Variants in ANKS1A observed in about 807,000 individuals in gnomAD.
ANKS1A encodes ankyrin repeat and SAM domain-containing protein 1A.
In ANKS1A, 55 loss-of-function variants were observed where a neutral mutation model predicts 120.3. That is an observed-to-expected ratio of 0.46 (90% confidence interval 0.37 to 0.57). The LOEUF (loss-of-function observed/expected upper bound fraction) is 0.57. Among genes scored for constraint, ANKS1A ranks in the 20% least tolerant of loss-of-function variants. The pLI is 0.00. For synonymous variants in ANKS1A, 590 were observed against 604.7 expected, an observed-to-expected ratio of 0.98 and a Z score of 0.36; for missense variants, 1,123 against 1,480.3, an observed-to-expected ratio of 0.76 and a Z score of 3.96.
Position 35,017,895 on chromosome 6 carries a change from G to A in ANKS1A, c.1846G>A (p.Glu616Lys). Residue 616 changes from glutamate to lysine, a missense_variant, in exon 11 of 24, where the codon GAA (glutamate) becomes AAA (lysine). Coordinates refer to ENST00000360359, the MANE Select transcript of ANKS1A (RefSeq NM_015245.3). ...GCCTCCCACTAGCAAACCCAAAGCTGAACTCAAACTCAGCCGCAGCTTGTC... is the reference window on the plus strand; with the variant it reads ...GCCTCCCACTAGCAAACCCAAAGCTAAACTCAAACTCAGCCGCAGCTTGTC... ...RAPPTSKPKA[E>K]LKLSRSLSKS... 1 of 1,614,230 alleles carries A rather than the reference G, an allele frequency of 6.2e-7. No homozygotes were observed.
chr6:34,983,989 T>G (rs548934337), intron 7 of ANKS1A, among the ~76,000 whole-genome samples: 24 of 152,090 alleles, frequency 1.6e-4, no homozygotes, highest in African/African-American at 5.5e-4. Flanking sequence ...AGAGACAGGG[T>G]TTCACCATGT....
chr6:35,060,261 G>T lies in ANKS1A; in HGVS notation c.2184+8G>T. 1 of 1,606,612 alleles carries T rather than the reference G, an allele frequency of 6.2e-7. No individual in the cohort carries two copies. The highest frequency in any genetic ancestry group is 8.5e-7 in the Non-Finnish European group (1 of 1,177,370). On this transcript the variant is annotated splice_region_variant and intron_variant, in intron 13 of 23. Coordinates refer to ENST00000360359, the MANE Select transcript of ANKS1A (RefSeq NM_015245.3). This position sits in a 1 kb window ranked among gnomAD's most constrained non-coding sequence, Gnocchi z 4.5. ...GACGATGTCCACTTCCTGGTAAGTGGCTGCAGGCCTCCTCAATGGCAGGGT... is the reference window on the plus strand; with the variant it reads ...GACGATGTCCACTTCCTGGTAAGTGTCTGCAGGCCTCCTCAATGGCAGGGT...
intron 9 of ANKS1A, among the ~76,000 whole-genome samples, chr6:34,991,539 TATACACACACACACACACACAC>T (rs542683607): frequency 0.013 from 1,077 of 85,112 alleles, 30 homozygotes; most frequent in African/African-American, 0.045. Context: ...AAAAAAAATA[TATACACACACACACACACACAC>T]ACACACACAC....
At chr6:35,080,874 T>C (rs1777632878) in intron 16 of ANKS1A, 120 bp from the exon 17 acceptor site, 3 of 1,280,992 alleles carry the variant, frequency 2.3e-6, no homozygotes, top group Non-Finnish European at 3.2e-6. Flanking sequence ...GCCCCTTCGC[T>C]CCCTGCTGCT....
At chr6:35,059,880 C>T (rs1404777600) in intron 12 of ANKS1A, among the ~76,000 whole-genome samples, 2 of 152,170 alleles carry the variant, frequency 1.3e-5, no homozygotes, top group Non-Finnish European at 2.9e-5. Context: ...GCAGCCGTGG[C>T]CCTGGAGCAG....
chr6:34,932,505 C>T (rs561531701), intron 1 of ANKS1A, among the ~76,000 whole-genome samples: 12 of 152,256 alleles, frequency 7.9e-5, no homozygotes, highest in African/African-American at 2.9e-4. Context: ...CTGCCTCAGC[C>T]TCCTGAGTAG....
chr6:35,040,467 C>A (rs1244877622), intron 11 of ANKS1A, among the ~76,000 whole-genome samples: 2 of 152,168 alleles, frequency 1.3e-5, no homozygotes. Context: ...ATTCCCACTT[C>A]TGGGGGCAAA....
chr6:34,912,066 T>C (rs1767932172), intron 1 of ANKS1A, among the ~76,000 whole-genome samples: 1 of 152,244 alleles, frequency 6.6e-6, no homozygotes, highest in South Asian at 2.1e-4. Flanking sequence ...TGCTACAATT[T>C]ATGAAAGCTG....
intron 13 of ANKS1A, 100 bp from the exon 14 acceptor site, chr6:35,078,458 G>C: frequency 9.6e-7 from 1 of 1,041,294 alleles, no homozygotes; most frequent in South Asian, 1.4e-5. Flanking sequence ...CTGCAGTGAA[G>C]GAGAATTTGG....
In ANKS1A at chr6:34,916,764, T is replaced by C. The variant is rs79661761; in HGVS notation, c.197+27165T>C. Among the ~76,000 whole-genome samples the C allele has an allele frequency of 2.7e-4, 41 of 152,342 alleles. No homozygotes were observed. In the East Asian group the frequency reaches 7.3e-3, roughly 27 times the overall value. On this transcript the variant is annotated intron_variant, in intron 1 of 23. Coordinates refer to ENST00000360359, the MANE Select transcript of ANKS1A (RefSeq NM_015245.3). ...CTGTGTAATTCAGCTGGGAATTGTA[T>C]TGCATAAAAATAAAGGCAAAAAATA...
chr6:35,019,872 A>G (rs1005378345), intron 11 of ANKS1A, among the ~76,000 whole-genome samples: 4 of 151,974 alleles, frequency 2.6e-5, no homozygotes, highest in African/African-American at 9.7e-5. Context: ...TGGAGACAGG[A>G]GGTGTGAGAG....
chr6:35,036,998 C>CT (rs1173979591), intron 11 of ANKS1A, among the ~76,000 whole-genome samples: 1 of 152,240 alleles, frequency 6.6e-6, no homozygotes, highest in Non-Finnish European at 1.5e-5. Flanking sequence ...AGTGTTCCCT[C>CT]TATTCGTGAA....
rs577595000 is a variant in ANKS1A at position 34,986,225 on chromosome 6, C to T, written c.1209+947C>T. Among the ~76,000 whole-genome samples the T allele has an allele frequency of 2.2e-4, 33 of 152,308 alleles. No homozygotes were observed. In the South Asian group the frequency reaches 5.2e-3, roughly 24 times the overall value. ...CTACTGAATGCTTATTGCTTTCCCA[C>T]GATGATAAGGTTGAAACATTGTACC... is the stretch of plus-strand genomic sequence containing the variant. On this transcript the variant is annotated intron_variant, in intron 8 of 23. Coordinates refer to ENST00000360359, the MANE Select transcript of ANKS1A (RefSeq NM_015245.3).
At chr6:35,027,061 A>T (rs1774663061) in intron 11 of ANKS1A, among the ~76,000 whole-genome samples, 1 of 152,214 alleles carries the variant, frequency 6.6e-6, no homozygotes, top group Non-Finnish European at 1.5e-5. Flanking sequence ...CCATAAGCTC[A>T]TTGCATACTC....
chr6:35,003,751 A>G (rs1005727653), intron 10 of ANKS1A, among the ~76,000 whole-genome samples: 31 of 152,226 alleles, frequency 2.0e-4, no homozygotes, highest in Non-Finnish European at 2.1e-4. Context: ...TCTATTGCAC[A>G]AGAAGACAGA....
At chr6:35,097,570 T>G in the ANKS1A span, among the ~76,000 whole-genome samples, 1 of 140,366 alleles carries the variant, frequency 7.1e-6, no homozygotes. Flanking sequence ...AGAGTAATAA[T>G]ATAAGGTTTC....
chr6:34,904,056 C>A (rs1767509231), intron 1 of ANKS1A, among the ~76,000 whole-genome samples: 1 of 152,136 alleles, frequency 6.6e-6, no homozygotes, highest in Non-Finnish European at 1.5e-5. Flanking sequence ...TGAATACAGT[C>A]GTCCCTCAGT....
intron 1 of ANKS1A, among the ~76,000 whole-genome samples, chr6:34,933,616 C>A (rs1024407636): frequency 3.3e-5 from 5 of 152,104 alleles, no homozygotes; most frequent in Non-Finnish European, 7.4e-5. Flanking sequence ...GTGATCCGCC[C>A]GCCTCAGCCT....
intron 11 of ANKS1A, among the ~76,000 whole-genome samples, chr6:35,020,325 A>G (rs1774268975): frequency 6.6e-6 from 1 of 152,250 alleles, no homozygotes; most frequent in Admixed American, 6.5e-5. Flanking sequence ...CAGGTATTAT[A>G]AGTAAACTAG....
Sources: gnomAD v4.1 joint callset for allele counts (sites outside exome capture counted in the v4.1 genomes callset) on GRCh38, gnomAD v4.1.1 for gene constraint, Gnocchi (gnomAD v3.1) non-coding constraint, MANE v1.5 for transcripts, NCBI Gene and HGNC (gene_info 2026-07-23, HGNC 2026-07-21) for gene names.